The following ERI3 variants were observed in gnomAD, a reference collection of about 807,000 sequenced individuals.
ERI3 encodes ERI1 exoribonuclease family member 3.
A neutral mutation model predicts 44.4 loss-of-function variants in ERI3; 18 were observed. That is an observed-to-expected ratio of 0.41 (90% CI 0.28 to 0.60). ERI3 has a LOEUF of 0.60. Among genes scored for constraint, ERI3 ranks in the 20% least tolerant of loss-of-function variants. ERI3 has a pLI of 0.36. For synonymous variants in ERI3, 183 were observed against 164.8 expected (o/e 1.11, Z -0.84); for missense variants, 294 against 435.5 (o/e 0.68, Z 2.89).
chr1:44,310,963 G>GCGCGCACACACA (rs1373873768), intron 5 of ERI3, among the ~76,000 whole-genome samples: 4 of 123,262 alleles, frequency 3.2e-5, no homozygotes, highest in Non-Finnish European at 6.8e-5. Flanking sequence ...GCGCGCGCGC[G>GCGCGCACACACA]CACACACACA....
chr1:44,339,114 G>C lies in ERI3; in HGVS notation c.420C>G (p.Pro140=). 6.2e-7 allele frequency: 1 copy of C among 1,614,062 alleles called. No homozygotes were observed. Among genetic ancestry groups the C allele is most frequent in the Non-Finnish European group, 8.5e-7 (1 of 1,179,998 alleles). ...ASMAAMVSFP[P]QRYHYFLVLD... The stretch of plus-strand genomic sequence containing the variant: ...GCACTAAAAAGTAGTGATACCTCTG[G>C]GGAGGGAAGGACACCATTGCCGCCA... The change falls in exon 3 of 9, where the codon CCC becomes CCG. Residue 140 remains proline, a synonymous_variant. Transcript: ENST00000372257.
rs768756041 is a variant in ERI3, at chr1:44,235,731, G to C, written c.931+12208C>G. On this transcript the variant is annotated intron_variant, in intron 8 of 8. Transcript: ENST00000372257. The surrounding 1 kb of genome is among the most constrained non-coding windows in gnomAD (Gnocchi z 4.6). ...CACCTCCGTTCCCTTCTAGCATCTT[G>C]GTTTCCCCAGGACTTCACTGTGCCA... Among the ~76,000 whole-genome samples the C allele has an allele frequency of 4.6e-5, 7 of 152,156 alleles. No homozygotes were observed. The highest frequency in any genetic ancestry group is 1.0e-4 in the Non-Finnish European group (7 of 68,020).
At chr1:44,263,450 G>T (rs949526638) in intron 7 of ERI3, among the ~76,000 whole-genome samples, 2 of 152,238 alleles carry the variant, frequency 1.3e-5, no homozygotes, top group South Asian at 4.1e-4. Flanking sequence ...CAGAAACTTG[G>T]AATGGATCTC....
intron 3 of ERI3, among the ~76,000 whole-genome samples, chr1:44,328,591 ATTTAGTATAT>A (rs1646364171): frequency 1.3e-5 from 2 of 152,120 alleles, no homozygotes; most frequent in South Asian, 4.1e-4. Flanking sequence ...ATTTCAGTAT[ATTTAGTATAT>A]TCAGATTATA....
At chr1:44,230,494 T>C (rs1572061763) in intron 8 of ERI3, 1 of 152,220 alleles carries the variant, frequency 6.6e-6, no homozygotes, top group South Asian at 2.1e-4. Flanking sequence ...AATAGGAAGG[T>C]GTCAGGGCCT....
intron 2 of ERI3, among the ~76,000 whole-genome samples, chr1:44,340,149 C>CAAAAAA (rs35880098): frequency 8.3e-6 from 1 of 121,102 alleles, no homozygotes; most frequent in African/African-American, 3.1e-5. Context: ...TGAACATGTG[C>CAAAAAA]AAAAAAAAAA....
intron 7 of ERI3, among the ~76,000 whole-genome samples, chr1:44,254,932 C>G (rs1158966360): frequency 6.6e-6 from 1 of 151,734 alleles, no homozygotes; most frequent in Non-Finnish European, 1.5e-5. Context: ...ACCTCCTCTT[C>G]TCTGCTGGCT....
intron 7 of ERI3, among the ~76,000 whole-genome samples, chr1:44,281,876 A>ATG (rs1491326880): frequency 1.0e-3 from 98 of 96,860 alleles, no homozygotes; most frequent in Admixed American, 3.1e-3. Context: ...ATACATGTGC[A>ATG]TATGTGTGTG....
In ERI3 at chr1:44,320,564, G is replaced by A. The variant is rs138283705; in HGVS notation, c.490-820C>T. ...GAAGGGAGGAACGCACCAGAGTGGG[G>A]AGAGGGCAGAAGAGAGCACGTGCGT... On this transcript the variant is annotated intron_variant, in intron 3 of 8. Coordinates refer to ENST00000372257, the MANE Select transcript of ERI3 (RefSeq NM_024066.3). 6.4e-4 allele frequency among the ~76,000 whole-genome samples: 98 copies of A among 152,346 alleles called. No individual in the cohort carries two copies. In the East Asian group the frequency reaches 0.019, roughly 29 times the overall value.
At chr1:44,317,538 G>A (rs1191870992) in intron 4 of ERI3, among the ~76,000 whole-genome samples, 2 of 149,974 alleles carry the variant, frequency 1.3e-5, no homozygotes, top group Non-Finnish European at 2.9e-5. Flanking sequence ...TTCATTTAAG[G>A]GACACGTATC....
intron 4 of ERI3, among the ~76,000 whole-genome samples, chr1:44,317,179 ACTT>A (rs1646107412): frequency 6.7e-6 from 1 of 148,976 alleles, no homozygotes. Flanking sequence ...GGGGTTAAGA[ACTT>A]CTTGTGCACA....
chr1:44,310,963 GCACACACACACACACACACACACA>G (rs58344074), intron 5 of ERI3, among the ~76,000 whole-genome samples: 18 of 123,202 alleles, frequency 1.5e-4, no homozygotes, highest in Non-Finnish European at 2.4e-4. Context: ...GCGCGCGCGC[GCACACACACACACACACACACACA>G]CACACACACA....
chr1:44,285,732 T>A (rs145973321), intron 6 of ERI3, among the ~76,000 whole-genome samples: 1 of 152,158 alleles, frequency 6.6e-6, no homozygotes, highest in Non-Finnish European at 1.5e-5. Context: ...AGGGCTCAGT[T>A]TGTTCAGAGG....
intron 2 of ERI3, among the ~76,000 whole-genome samples, chr1:44,341,792 A>G (rs1398650810): frequency 1.3e-5 from 2 of 152,132 alleles, no homozygotes; most frequent in East Asian, 3.9e-4. Context: ...TGGTAGGCTG[A>G]AGTAGGAAGA....
rs1645361049 is a variant in ERI3, at chr1:44,284,923, A to G, written c.759-16T>C. 1 of 1,611,814 alleles carries G rather than the reference A, an allele frequency of 6.2e-7. No individual in the cohort carries two copies. The highest frequency in any genetic ancestry group is 2.2e-5 in the East Asian group (1 of 44,868). ...GCCTGGGAGCCTACAAAAAAAAGGG[A>G]AGAGAGAACAAGTTGGGCGCATCCA... On this transcript the variant is annotated splice_polypyrimidine_tract_variant and intron_variant, in intron 6 of 8. Transcript: ENST00000372257.
At chr1:44,310,964 CACACACACA>C (rs1645955782) in intron 5 of ERI3, among the ~76,000 whole-genome samples, 5 of 13,640 alleles carry the variant, frequency 3.7e-4, no homozygotes, top group African/African-American at 1.4e-3. Context: ...CGCGCGCGCG[CACACACACA>C]CACACACACA....
At chr1:44,277,416 C>T (rs1164132744) in intron 7 of ERI3, among the ~76,000 whole-genome samples, 1 of 152,202 alleles carries the variant, frequency 6.6e-6, no homozygotes, top group Non-Finnish European at 1.5e-5. Context: ...CGCTTTAACC[C>T]CTACTTGCCC....
At chr1:44,305,183 C>T (rs1181029409) in intron 6 of ERI3, among the ~76,000 whole-genome samples, 1 of 152,234 alleles carries the variant, frequency 6.6e-6, no homozygotes, top group African/African-American at 2.4e-5. Context: ...AGCCTCTAGT[C>T]TAGGTTCTCA....
intron 7 of ERI3, among the ~76,000 whole-genome samples, chr1:44,254,137 T>C (rs1386422848): frequency 1.3e-5 from 2 of 152,280 alleles, no homozygotes; most frequent in Non-Finnish European, 2.9e-5. Context: ...CAAATCATCA[T>C]CACTCTGGGT....
Sources: gnomAD v4.1 joint callset for allele counts (sites outside exome capture counted in the v4.1 genomes callset) on GRCh38, gnomAD v4.1.1 for gene constraint, Gnocchi (gnomAD v3.1) non-coding constraint, MANE v1.5 for transcripts, NCBI Gene and HGNC (gene_info 2026-07-23, HGNC 2026-07-21) for gene names.